Variants in ZAN observed in about 807,000 individuals in gnomAD.
The protein encoded by ZAN is zonadhesin (gene/pseudogene).
ZAN carries 260 observed loss-of-function variants against 286.2 expected under a neutral mutation model. The observed-to-expected ratio is 0.91, with a 90% CI of 0.82 to 1.01. The LOEUF (loss-of-function observed/expected upper bound fraction) is 1.01, where lower values mean the gene tolerates loss of function less well. ZAN is among the 50% of genes least tolerant of loss of function. The pLI is 0.00. For missense variants in ZAN, 3,410 were observed against 3,639.2 expected (o/e 0.94, Z 1.62); for synonymous variants, 1,368 against 1,417.5 (o/e 0.97, Z 0.79).
In ZAN at chr7:100,738,871, T is replaced by TCTTCTTCTTCTTCTCCTTCTC. The variant is rs1562911218; in HGVS notation, c.766+263_766+264insTCTTCTTCTCCTTCTCCTTCT. ...TTCTTCTTCTTTCTCTTCCTCTTCT[T>TCTTCTTCTTCTTCTCCTTCTC]CTTCTCCCTCTCCCTCTCCCTCTCC... On this transcript the variant is annotated intron_variant, in intron 7 of 47. Transcript: ENST00000613979. Among the ~76,000 whole-genome samples the TCTTCTTCTTCTTCTCCTTCTC allele has an allele frequency of 3.8e-3, 90 of 23,702 alleles. 16 individuals are homozygous for TCTTCTTCTTCTTCTCCTTCTC. Among genetic ancestry groups the TCTTCTTCTTCTTCTCCTTCTC allele is most frequent in the Non-Finnish European group, 6.1e-3 (68 of 11,186 alleles). 15.5% of individuals were successfully genotyped at this position (23,702 alleles called of 152,430 possible).
At position 100,771,988 on chromosome 7, in the gene ZAN, A is replaced by G. The variant is rs757602031; in HGVS notation, c.5393A>G (p.Gln1798Arg). Residue 1798 changes from glutamine to arginine, a missense_variant, in exon 29 of 48, where the codon CAG becomes CGG. Transcript: ENST00000613979. ...GCGTCCCTGTGTGCCCAGGCTGGCC[A>G]GGCCCCTGCCTGGCGGAACAGAACC... is the stretch of plus-strand genomic sequence containing the variant. ...AYASLCAQAG[Q>R]APAWRNRTFC... 69 of 1,606,616 alleles carry G rather than the reference A, an allele frequency of 4.3e-5. No homozygotes were observed. The highest frequency in any genetic ancestry group is 5.3e-5 in the Non-Finnish European group (62 of 1,178,618).
Position 100,766,540 on chromosome 7 carries a change from T to A in ZAN, c.4486T>A (p.Tyr1496Asn). 1 of 1,551,340 alleles carries A rather than the reference T, an allele frequency of 6.4e-7. No individual in the cohort carries two copies. Among genetic ancestry groups the A allele is most frequent in the South Asian group, 1.2e-5 (1 of 84,034 alleles). Residue 1496 changes from tyrosine to asparagine, a missense_variant, in exon 24 of 48, where the codon TAC becomes AAC. Physicochemically the swap from Tyr to Asn is moderately radical, Grantham distance 143 (BLOSUM62 -2). Around this residue, in one of 7 missense-constraint regions of ZAN, gnomAD observed 1,042 missense variants for 1,058.0 expected, o/e 0.98. Coordinates refer to ENST00000613979, the MANE Select transcript of ZAN (RefSeq NM_003386.3). The stretch of plus-strand genomic sequence containing the variant: ...TCTTCCCCAGGTAGGGGAGCGGTGG[T>A]ACAAGCCAGGCTGCAAAGAGTTGTG... ...GSYFKVGERWYKPGCKELCVC... is the reference protein window; with the variant it reads ...GSYFKVGERWNKPGCKELCVC...
At chr7:100,762,157 C>T in intron 19 of ZAN, 58 bp from the exon 20 acceptor site, 1 of 1,604,166 alleles carries the variant, frequency 6.2e-7, no homozygotes, top group Non-Finnish European at 8.5e-7. Context: ...TGCCACTGCC[C>T]CTCGAGGACC....
At chr7:100,744,549 G>A (rs760172010) in intron 7 of ZAN, among the ~76,000 whole-genome samples, 17 of 151,082 alleles carry the variant, frequency 1.1e-4, no homozygotes, top group Non-Finnish European at 2.2e-4. Context: ...AGTGAGCCGA[G>A]ATAGCGCCAC....
intron 19 of ZAN, among the ~76,000 whole-genome samples, chr7:100,761,501 G>A (rs1436256043): frequency 6.6e-6 from 1 of 152,086 alleles, no homozygotes; most frequent in East Asian, 1.9e-4. Context: ...TCTCGTGGTG[G>A]TACTTGCCTG....
rs756569657 is a variant in ZAN at position 100,767,989 on chromosome 7, C to T, written c.5019C>T (p.Gly1673=). The T allele has an allele frequency of 1.5e-5, 25 of 1,613,240 alleles. No homozygotes were observed. The highest frequency in any genetic ancestry group is 1.7e-5 in the Non-Finnish European group (20 of 1,179,572). The change falls in exon 26 of 48, where the codon GGC becomes GGT. Residue 1673 remains glycine (G), a synonymous_variant. Coordinates refer to ENST00000613979, the MANE Select transcript of ZAN (RefSeq NM_003386.3). ...AAGTGACAGTCCCCTCCTCCTATGG[C>T]GGCCAGCTCTGTGGGCTGTGTGGTG... The part of the protein sequence containing the change: ...LVEVTVPSSY[G]GQLCGLCGNY...
intron 12 of ZAN, 67 bp from the exon 13 acceptor site, chr7:100,751,115 G>A: frequency 7.1e-7 from 1 of 1,405,672 alleles, no homozygotes; most frequent in African/African-American, 1.4e-5. Flanking sequence ...TATGCCCAGT[G>A]GAATCACAGA....
At chr7:100,736,125 T>G (rs574063582) in intron 3 of ZAN, among the ~76,000 whole-genome samples, 1 of 142,092 alleles carries the variant, frequency 7.0e-6, no homozygotes, top group South Asian at 2.2e-4. Context: ...GAGAGCAGCC[T>G]GGGCAACATA....
At chr7:100,793,764 GC>G (rs1812151137) in intron 42 of ZAN, 55 bp from the exon 43 acceptor site, 2 of 1,522,962 alleles carry the variant, frequency 1.3e-6, no homozygotes, top group Admixed American at 2.1e-5. Context: ...GGGTGACCTT[GC>G]CCCTGTTTGG....
At chr7:100,777,479 C>T (rs185367959) in intron 34 of ZAN, among the ~76,000 whole-genome samples, 9 of 152,256 alleles carry the variant, frequency 5.9e-5, no homozygotes, top group Admixed American at 1.3e-4. Flanking sequence ...CTCAACCTCC[C>T]GAGTAGCTGG....
chr7:100,775,768 G>T lies in ZAN; in HGVS notation c.6127G>T (p.Val2043Leu), dbSNP rs376474204. The change falls in exon 33 of 48, where the codon GTG becomes TTG. Residue 2043 changes from valine (V) to leucine (L), a missense_variant. This residue lies in a region of ZAN where 1,289 missense variants were observed against 1,314.3 expected (regional missense o/e 0.98). Coordinates refer to ENST00000613979, the MANE Select transcript of ZAN (RefSeq NM_003386.3). ...IYSIVNIKIGVQVKFDGNHLL... is the reference protein window; with the variant it reads ...IYSIVNIKIGLQVKFDGNHLL... ...CAGCATTGTTAACATCAAGATCGGG[G>T]TGCAAGTCAAGTTTGACGGGAATCA... 1.1e-5 allele frequency: 18 copies of T among 1,613,808 alleles called. No individual in the cohort carries two copies. In the African/African-American group the frequency reaches 2.3e-4, roughly 20 times the overall value.
chr7:100,797,355 G>A lies in ZAN; in HGVS notation c.8267-11G>A, dbSNP rs1234838726. ...ACGTTCGACCTAATGTCTCTTCCCC[G>A]CACCCAGAAGCATCTAACCTGGTGG... On this transcript the variant is annotated splice_polypyrimidine_tract_variant and intron_variant, in intron 45 of 47. Coordinates refer to ENST00000613979, the MANE Select transcript of ZAN (RefSeq NM_003386.3). 6 of 1,612,932 alleles carry A rather than the reference G, an allele frequency of 3.7e-6. No homozygotes were observed. The highest frequency in any genetic ancestry group is 1.1e-5 in the South Asian group (1 of 91,030).
At chr7:100,792,678 C>T (rs1319385258) in intron 42 of ZAN, 199 bp downstream of exon 42, 10 of 1,344,814 alleles carry the variant, frequency 7.4e-6, no homozygotes, top group Non-Finnish European at 9.7e-6. Context: ...GCCTTAGTCC[C>T]AGGTCCAAGT....
intron 17 of ZAN, among the ~76,000 whole-genome samples, chr7:100,759,187 T>C (rs952813039): frequency 1.3e-5 from 2 of 151,576 alleles, no homozygotes; most frequent in Non-Finnish European, 2.9e-5. Context: ...ATCGAGCCAC[T>C]GCACTCCTGC....
Position 100,779,608 on chromosome 7 carries a change from G to A in ZAN, c.6480G>A (p.Thr2160=), listed in dbSNP as rs759290511. The change falls in exon 35 of 48, where the codon ACG becomes ACA. Residue 2160 remains threonine, a synonymous_variant. Transcript: ENST00000613979. ...AGTGCGCCTCCCGCATAGACCTCACGCCCTTCCTGGTGGACTGTGCAAACA... is the reference window on the plus strand; with the variant it reads ...AGTGCGCCTCCCGCATAGACCTCACACCCTTCCTGGTGGACTGTGCAAACA... ...WAQCASRIDL[T]PFLVDCANTL... 37 of 1,605,256 alleles carry A rather than the reference G, an allele frequency of 2.3e-5. No individual in the cohort carries two copies. Among genetic ancestry groups the A allele is most frequent in the Non-Finnish European group, 3.0e-5 (35 of 1,176,198 alleles).
In ZAN at chr7:100,759,816, G is replaced by A. The variant is rs367887096; in HGVS notation, c.3667G>A (p.Val1223Ile). 2.2e-5 allele frequency: 35 copies of A among 1,612,014 alleles called. No homozygotes were observed. The highest frequency in any genetic ancestry group is 3.3e-4 in the Middle Eastern group (2 of 6,078). Reference protein sequence around the residue: ...KVYVTLPESTVTLLKGRRTLV... With the variant: ...KVYVTLPESTITLLKGRRTLV... ...CTACGTGACCCTGCCCGAGAGCACC[G>A]TCACCCTGCTTAAGGGCAGACGCAC... Residue 1223 changes from valine (V) to isoleucine (I), a missense_variant, in exon 18 of 48, where the codon GTC becomes ATC. Around this residue, in one of 7 missense-constraint regions of ZAN, gnomAD observed 1,042 missense variants for 1,058.0 expected, o/e 0.98. Coordinates refer to ENST00000613979, the MANE Select transcript of ZAN (RefSeq NM_003386.3).
chr7:100,775,847 C>G lies in ZAN; in HGVS notation c.6192+14C>G. ...TACTATGGAAAGGTGAGGAAAACAT[C>G]TGGCTCTTCTCGCTGGGGAGGCAGC... On this transcript the variant is annotated intron_variant, in intron 33 of 47. Coordinates refer to ENST00000613979, the MANE Select transcript of ZAN (RefSeq NM_003386.3). 1.2e-6 allele frequency: 2 copies of G among 1,612,480 alleles called. No individual in the cohort carries two copies. The highest frequency in any genetic ancestry group is 1.7e-6 in the Non-Finnish European group (2 of 1,179,164).
At position 100,779,513 on chromosome 7, in the gene ZAN, T is replaced by TGCAGGGCGGCCGACCTCC. The variant is rs1811046144; in HGVS notation, c.6394_6411dup (p.Ala2132_Ala2137dup). 2 of 1,609,072 alleles carry TGCAGGGCGGCCGACCTCC rather than the reference T, an allele frequency of 1.2e-6. No homozygotes were observed. Among genetic ancestry groups the TGCAGGGCGGCCGACCTCC allele is most frequent in the Non-Finnish European group, 1.7e-6 (2 of 1,179,116 alleles). ...ACAGCAGGAGAACCCGAGTGGAAAC[T>TGCAGGGCGGCCGACCTCC]GCAGGGCGGCCGACCTCCGCAGGGC... On this transcript the variant is annotated inframe_insertion, in exon 35 of 48. Transcript: ENST00000613979.
chr7:100,734,028 G>A lies in ZAN; in HGVS notation c.-141G>A. 1.9e-6 allele frequency: 1 copy of A among 522,200 alleles called. No individual in the cohort carries two copies. The highest frequency in any genetic ancestry group is 3.6e-6 in the Non-Finnish European group (1 of 278,184). 32.3% of individuals were successfully genotyped at this position (522,200 alleles called of 1,614,324 possible). A position where few individuals can be genotyped will look rare whatever the true frequency, so the allele number is the denominator to read the frequency against. ...ACTCTCATAATTTTAATTTCCCAGA[G>A]CTTTTCTGTGTTTCTCTGTTCATTC... On this transcript the variant is annotated splice_region_variant and 5_prime_UTR_variant, in exon 2 of 48. Coordinates refer to ENST00000613979, the MANE Select transcript of ZAN (RefSeq NM_003386.3).
Sources: gnomAD v4.1 joint callset for allele counts (sites outside exome capture counted in the v4.1 genomes callset) on GRCh38, gnomAD v4.1.1 for gene constraint, gnomAD v4.1.1 regional missense constraint, MANE v1.5 for transcripts, NCBI Gene and HGNC (gene_info 2026-07-23, HGNC 2026-07-21) for gene names.